ALK: variants seen among roughly 807,000 people sequenced by gnomAD.
ALK encodes ALK receptor tyrosine kinase.
Under a neutral mutation model 163.1 loss-of-function variants are expected in ALK, and 74 were observed. The ratio of observed to expected loss-of-function variants is 0.45; its 90% CI spans 0.38 to 0.55. The LOEUF (loss-of-function observed/expected upper bound fraction) is 0.55, where lower values mean the gene tolerates loss of function less well. Among genes scored for constraint, ALK ranks in the 20% least tolerant of loss-of-function variants. The pLI is 0.00. For missense variants in ALK, 2,063 were observed against 2,105.3 expected (o/e 0.98, Z 0.39); for synonymous variants, 960 against 843.2 (o/e 1.14, Z -2.40).
intron 5 of ALK, among the ~76,000 whole-genome samples, chr2:29,353,893 C>T (rs988280519): frequency 3.3e-5 from 5 of 152,138 alleles, no homozygotes; most frequent in Non-Finnish European, 7.3e-5. Context: ...AACCTTGGTA[C>T]TTTGTTTTGC....
At chr2:29,661,337 C>T (rs1453250115) in intron 3 of ALK, among the ~76,000 whole-genome samples, 1 of 152,114 alleles carries the variant, frequency 6.6e-6, no homozygotes, top group East Asian at 1.9e-4. Context: ...TTCTAACAGG[C>T]CAGAAGATTA....
chr2:29,444,278 G>A (rs1395824655), intron 4 of ALK, among the ~76,000 whole-genome samples: 3 of 152,172 alleles, frequency 2.0e-5, no homozygotes, highest in African/African-American at 7.2e-5. Context: ...ACTGAAGAAT[G>A]TGGAATGATA....
intron 1 of ALK, among the ~76,000 whole-genome samples, chr2:29,866,387 C>T (rs1243515709): frequency 1.3e-5 from 2 of 152,208 alleles, no homozygotes; most frequent in Non-Finnish European, 2.9e-5. Flanking sequence ...ACACGCAATG[C>T]TCAGAGAAGA....
At chr2:29,231,692 A>T (rs1297695327) in intron 15 of ALK, among the ~76,000 whole-genome samples, 1 of 152,150 alleles carries the variant, frequency 6.6e-6, no homozygotes, top group African/African-American at 2.4e-5. Flanking sequence ...CCACAGTCTG[A>T]TTGTGTGGAA....
At chr2:29,483,845 A>T (rs185434425) in intron 4 of ALK, among the ~76,000 whole-genome samples, 47 of 152,322 alleles carry the variant, frequency 3.1e-4, no homozygotes, top group Admixed American at 2.7e-3. Context: ...ATATTATATT[A>T]GTCCGTTCTC....
chr2:29,680,146 T>C lies in ALK; in HGVS notation c.952+14704A>G, dbSNP rs528099645. Among the ~76,000 whole-genome samples, 5 of 152,120 alleles carry C rather than the reference T, an allele frequency of 3.3e-5. No homozygotes were observed. In the East Asian group the frequency reaches 9.7e-4, roughly 29 times the overall value. ...GGCATTTAACAATATGATGATGATA[T>C]GTCTAGATGTAGATCTCATTGTATT... is the stretch of plus-strand genomic sequence containing the variant. On this transcript the variant is annotated intron_variant, in intron 3 of 28. Coordinates refer to ENST00000389048, the MANE Select transcript of ALK (RefSeq NM_004304.5).
intron 4 of ALK, among the ~76,000 whole-genome samples, chr2:29,504,854 G>A (rs571955782): frequency 1.3e-5 from 2 of 152,230 alleles, no homozygotes; most frequent in East Asian, 3.9e-4. Flanking sequence ...TACTTCCAAC[G>A]GGAAAAACCA....
intron 4 of ALK, among the ~76,000 whole-genome samples, chr2:29,398,400 C>T (rs547338628): frequency 4.3e-4 from 66 of 152,222 alleles, no homozygotes; most frequent in Middle Eastern, 6.8e-3. Flanking sequence ...AGGAATAGCC[C>T]ACTTCCTTTA....
At chr2:29,906,492 T>C (rs1667552256) in intron 1 of ALK, among the ~76,000 whole-genome samples, 1 of 152,172 alleles carries the variant, frequency 6.6e-6, no homozygotes, top group Admixed American at 6.5e-5. Context: ...ATATATAGGA[T>C]ATGTGGGATA....
Position 29,672,708 on chromosome 2 carries a change from G to A in ALK, c.952+22142C>T, listed in dbSNP as rs540428043. Among the ~76,000 whole-genome samples, 48 of 152,222 alleles carry A rather than the reference G, an allele frequency of 3.2e-4. 1 individual carries two copies. Among genetic ancestry groups the A allele is most frequent in the Admixed American group, 1.1e-3 (17 of 15,294 alleles). On this transcript the variant is annotated intron_variant, in intron 3 of 28. Coordinates refer to ENST00000389048, the MANE Select transcript of ALK (RefSeq NM_004304.5). ...TATATACCCAGTAATGGGATGGCTC[G>A]GTCAAATGGTATTTCTACTTCTAGA...
chr2:29,201,680 G>A (rs2950828), intron 26 of ALK, among the ~76,000 whole-genome samples: 14,260 of 151,902 alleles, frequency 0.094, 902 homozygotes, highest in Non-Finnish European at 0.15. Context: ...CCAGCTACTT[G>A]GGAGGCTGAA....
chr2:29,298,603 G>C (rs1193784893), intron 8 of ALK, among the ~76,000 whole-genome samples: 1 of 152,046 alleles, frequency 6.6e-6, no homozygotes, highest in Non-Finnish European at 1.5e-5. Context: ...GACACACATA[G>C]TACAATGGGT....
chr2:29,752,496 C>T (rs564682027), intron 1 of ALK, among the ~76,000 whole-genome samples: 5 of 151,318 alleles, frequency 3.3e-5, no homozygotes, highest in Non-Finnish European at 7.4e-5. Flanking sequence ...ACTACAGGCA[C>T]GCGCCACCAT....
At chr2:29,900,269 T>A (rs985767687) in intron 1 of ALK, among the ~76,000 whole-genome samples, 7 of 152,230 alleles carry the variant, frequency 4.6e-5, no homozygotes, top group Admixed American at 1.3e-4. Context: ...GGGTACCACC[T>A]GAGCAGTGTC....
At chr2:29,617,857 T>C (rs763405578) in intron 3 of ALK, among the ~76,000 whole-genome samples, 69 of 152,208 alleles carry the variant, frequency 4.5e-4, no homozygotes, top group Non-Finnish European at 6.9e-4. Context: ...TCATCTTTCC[T>C]CTCTCCCAGG....
intron 4 of ALK, among the ~76,000 whole-genome samples, chr2:29,513,922 G>A (rs948335787): frequency 3.7e-5 from 5 of 134,954 alleles, no homozygotes; most frequent in Admixed American, 7.5e-5. Flanking sequence ...CTGGCCATCA[G>A]AGAAATGCAA....
intron 1 of ALK, among the ~76,000 whole-genome samples, chr2:29,888,785 T>G (rs954146112): frequency 3.3e-5 from 5 of 152,176 alleles, no homozygotes; most frequent in African/African-American, 1.2e-4. Context: ...AAAAACCACT[T>G]TAAAAAAAAG....
chr2:29,734,362 A>G (rs1437518774), intron 1 of ALK, among the ~76,000 whole-genome samples: 1 of 152,234 alleles, frequency 6.6e-6, no homozygotes, highest in Non-Finnish European at 1.5e-5. Flanking sequence ...TTAACATGAA[A>G]AAAAGATAAA....
chr2:29,897,019 C>T (rs1378343257), intron 1 of ALK, among the ~76,000 whole-genome samples: 1 of 152,176 alleles, frequency 6.6e-6, no homozygotes, highest in Non-Finnish European at 1.5e-5. Flanking sequence ...CTACAATCCA[C>T]CTTTAAAAAG....
Sources: allele counts gnomAD v4.1 joint callset (sites outside exome capture counted in the v4.1 genomes callset), GRCh38; gene constraint gnomAD v4.1.1; transcripts MANE v1.5; gene names NCBI Gene and HGNC (gene_info 2026-07-23, HGNC 2026-07-21).